The following FRMD5 variants were observed in gnomAD, a reference collection of about 807,000 sequenced individuals.
FRMD5 encodes FERM domain-containing protein 5.
Under a neutral mutation model 69.0 loss-of-function variants are expected in FRMD5, and 20 were observed. The ratio of observed to expected loss-of-function variants is 0.29; its 90% CI spans 0.20 to 0.42. FRMD5 has a LOEUF of 0.42. FRMD5 is among the 10% of genes least tolerant of loss of function. The probability of loss-of-function intolerance (pLI) is 1.00; values close to 1 mark genes in which losing one functional copy is unlikely to be tolerated. For synonymous variants in FRMD5, 271 were observed against 260.1 expected (o/e 1.04, Z -0.40); for missense variants, 595 against 708.6 (o/e 0.84, Z 1.82).
chr15:43,876,177 C>G, intron 13 of FRMD5: 1 of 1,598,210 alleles, frequency 6.3e-7, no homozygotes, highest in Non-Finnish European at 8.6e-7. Flanking sequence ...CTTGTCAGCA[C>G]TGTCACTCCC....
chr15:44,120,589 A>C (rs1184128907), intron 1 of FRMD5, among the ~76,000 whole-genome samples: 1 of 142,390 alleles, frequency 7.0e-6, no homozygotes, highest in South Asian at 2.3e-4. Flanking sequence ...GCTGGAGTGC[A>C]GGAGTGCAAT....
chr15:44,076,998 G>C (rs1476830504), intron 1 of FRMD5, among the ~76,000 whole-genome samples: 1 of 151,832 alleles, frequency 6.6e-6, no homozygotes, highest in Non-Finnish European at 1.5e-5. Flanking sequence ...TTTATTCTTG[G>C]ATATAGACTG....
intron 1 of FRMD5, among the ~76,000 whole-genome samples, chr15:44,079,958 G>A (rs927468382): frequency 2.6e-5 from 4 of 151,962 alleles, no homozygotes; most frequent in Non-Finnish European, 4.4e-5. Flanking sequence ...AAAATAGAAT[G>A]GGGAGCTACT....
At chr15:43,885,051 A>G (rs1265914205) in intron 11 of FRMD5, 1 of 417,976 alleles carries the variant, frequency 2.4e-6, no homozygotes, top group African/African-American at 2.0e-5. Context: ...GTAATTCCTC[A>G]TTTTCCAGCA....
At chr15:43,905,218 C>G (rs951743745) in intron 6 of FRMD5, among the ~76,000 whole-genome samples, 1 of 150,662 alleles carries the variant, frequency 6.6e-6, no homozygotes, top group African/African-American at 2.5e-5. Context: ...CTCACTGCAA[C>G]CTCTGCCTCC....
chr15:43,977,259 G>A (rs567196684), intron 1 of FRMD5, among the ~76,000 whole-genome samples: 1 of 152,258 alleles, frequency 6.6e-6, no homozygotes, highest in Non-Finnish European at 1.5e-5. Flanking sequence ...CTCTGTTAAG[G>A]TATGGGTGAG....
At position 43,924,530 on chromosome 15, in the gene FRMD5, G is replaced by A. The variant is rs143703822; in HGVS notation, c.103-221C>T. On this transcript the variant is annotated intron_variant, in intron 1 of 13. Coordinates refer to ENST00000417257, the MANE Select transcript of FRMD5 (RefSeq NM_032892.5). ...GCCCAAGAACCCTTCCCACCACAAA[G>A]ATGTCAGAGAAGTCAGGGTAGAGTC... Among the ~76,000 whole-genome samples the A allele has an allele frequency of 1.3e-3, 201 of 152,274 alleles. 2 individuals are homozygous for A. In the East Asian group the frequency reaches 0.033, roughly 25 times the overall value.
chr15:43,998,313 A>G (rs757424805), intron 1 of FRMD5, among the ~76,000 whole-genome samples: 6 of 152,238 alleles, frequency 3.9e-5, no homozygotes, highest in Non-Finnish European at 8.8e-5. Flanking sequence ...GGAATGAGTG[A>G]CATATCCTGG....
chr15:43,991,806 T>C (rs1889692567), intron 1 of FRMD5, among the ~76,000 whole-genome samples: 2 of 152,208 alleles, frequency 1.3e-5, no homozygotes, highest in Admixed American at 6.5e-5. Flanking sequence ...GTATTAGCTC[T>C]GCTAAACTCG....
At chr15:44,195,315 G>A (rs1316679328), upstream of FRMD5, 1 of 503,546 alleles carries the variant, frequency 2.0e-6, no homozygotes, top group Admixed American at 3.9e-5. Context: ...CGCGGGGCGG[G>A]GCCTCAACTG....
In FRMD5 at chr15:44,037,726, G is replaced by A. The variant is rs368290769; in HGVS notation, c.103-113417C>T. Among the ~76,000 whole-genome samples the A allele has an allele frequency of 2.4e-4, 36 of 151,658 alleles. 1 individual carries two copies. In the East Asian group the frequency reaches 2.7e-3, roughly 11 times the overall value. ...CTTGACCTCATGATCCACCTGCCTC[G>A]GCCTCCTAAAGTGTTGGGATTACAG... On this transcript the variant is annotated intron_variant, in intron 1 of 13. Coordinates refer to ENST00000417257, the MANE Select transcript of FRMD5 (RefSeq NM_032892.5).
Position 43,939,930 on chromosome 15 carries a change from C to T in FRMD5, c.103-15621G>A, listed in dbSNP as rs761533155. Among the ~76,000 whole-genome samples the T allele has an allele frequency of 6.6e-5, 10 of 152,116 alleles. No homozygotes were observed. The East Asian group carries it at 7.7e-4, about 12-fold the overall frequency. ...GGCGCGGTGGCTCATGTGCTCCCAG[C>T]GCTTTGGGAGGCAAGGCAGGCGGAT... On this transcript the variant is annotated intron_variant, in intron 1 of 13. Transcript: ENST00000417257.
chr15:44,129,834 C>T (rs750734296), intron 1 of FRMD5, among the ~76,000 whole-genome samples: 3 of 152,152 alleles, frequency 2.0e-5, no homozygotes, highest in African/African-American at 4.8e-5. Context: ...CTTTCACTTG[C>T]AGCAGTTCCT....
intron 4 of FRMD5, 82 bp downstream of exon 4, chr15:43,919,377 G>T: frequency 8.5e-7 from 1 of 1,177,564 alleles, no homozygotes; most frequent in Non-Finnish European, 1.3e-6. Flanking sequence ...GCTTCCAAAT[G>T]AGAGGCTCTA....
chr15:43,999,623 T>A (rs907241809), intron 1 of FRMD5, among the ~76,000 whole-genome samples: 3 of 152,086 alleles, frequency 2.0e-5, no homozygotes, highest in Non-Finnish European at 4.4e-5. Context: ...TGGTAACTAC[T>A]TTTTTACTCT....
chr15:43,950,754 G>A (rs1279194372), intron 1 of FRMD5, among the ~76,000 whole-genome samples: 1 of 152,188 alleles, frequency 6.6e-6, no homozygotes, highest in Non-Finnish European at 1.5e-5. Context: ...GCAAACCCCA[G>A]ATTCTAAAAT....
intron 1 of FRMD5, among the ~76,000 whole-genome samples, chr15:44,051,140 T>C (rs1892644759): frequency 1.4e-5 from 1 of 69,750 alleles, no homozygotes; most frequent in Non-Finnish European, 2.8e-5. Flanking sequence ...ATTCAGTCAC[T>C]TTTTTTTTTT....
At chr15:44,181,811 C>G (rs1374532763) in intron 1 of FRMD5, among the ~76,000 whole-genome samples, 1 of 152,034 alleles carries the variant, frequency 6.6e-6, no homozygotes, top group Non-Finnish European at 1.5e-5. Context: ...GAGGCTGAGA[C>G]AGGACTGCTT....
intron 1 of FRMD5, among the ~76,000 whole-genome samples, chr15:44,120,795 TG>T (rs1427607413): frequency 6.6e-6 from 1 of 152,036 alleles, no homozygotes; most frequent in Non-Finnish European, 1.5e-5. Flanking sequence ...CCCAAAGTGC[TG>T]GGACTACAGG....
Sources: allele counts gnomAD v4.1 joint callset (sites outside exome capture counted in the v4.1 genomes callset), GRCh38; gene constraint gnomAD v4.1.1; transcripts MANE v1.5; gene names NCBI Gene and HGNC (gene_info 2026-07-23, HGNC 2026-07-21).